C12orf42: variants seen among roughly 807,000 people sequenced by gnomAD.
The protein encoded by C12orf42 is uncharacterized protein C12orf42.
A neutral mutation model predicts 21.6 loss-of-function variants in C12orf42; 25 were observed. The observed-to-expected ratio is 1.16, with a 90% CI of 0.84 to 1.62. C12orf42 has a LOEUF of 1.62. C12orf42 is among the 40% of genes most tolerant of loss of function. The probability of loss-of-function intolerance (pLI) is 0.00; values close to 1 mark genes in which losing one functional copy is unlikely to be tolerated. For synonymous variants in C12orf42, 174 were observed against 175.0 expected (o/e 0.99, Z 0.05); for missense variants, 483 against 459.3 (o/e 1.05, Z -0.47).
the C12orf42 span, among the ~76,000 whole-genome samples, chr12:103,533,859 T>C: frequency 6.6e-6 from 1 of 152,212 alleles, no homozygotes; most frequent in Non-Finnish European, 1.5e-5. Context: ...ATGCTTTGTG[T>C]GGAGTCACTG....
intron 1 of C12orf42, among the ~76,000 whole-genome samples, chr12:103,491,667 T>C (rs1463328090): frequency 6.6e-6 from 1 of 152,252 alleles, no homozygotes; most frequent in African/African-American, 2.4e-5. Flanking sequence ...GTCACTATTA[T>C]TTCTACCCCC....
chr12:103,471,509 A>T (rs995977398), intron 2 of C12orf42, among the ~76,000 whole-genome samples: 2 of 152,370 alleles, frequency 1.3e-5, no homozygotes, highest in Non-Finnish European at 2.9e-5. Context: ...CAGTTTGCTT[A>T]CATTGATTTA....
the C12orf42 span, among the ~76,000 whole-genome samples, chr12:103,517,534 C>A: frequency 6.6e-6 from 1 of 152,218 alleles, no homozygotes; most frequent in Non-Finnish European, 1.5e-5. Context: ...ATGGATTACA[C>A]AAATTACATT....
the C12orf42 span, among the ~76,000 whole-genome samples, chr12:103,517,679 A>T: frequency 6.7e-6 from 1 of 149,900 alleles, no homozygotes; most frequent in Admixed American, 6.6e-5. Flanking sequence ...CTATGCTTTG[A>T]ATTATTTTTT....
chr12:103,220,694 C>T, the C12orf42 span, among the ~76,000 whole-genome samples: 4 of 116,578 alleles, frequency 3.4e-5, no homozygotes, highest in Non-Finnish European at 7.7e-5. Context: ...GACGAGTCGG[C>T]CTCCCCCGCT....
At chr12:103,188,826 C>T in the C12orf42 span, among the ~76,000 whole-genome samples, 1 of 152,180 alleles carries the variant, frequency 6.6e-6, no homozygotes, top group African/African-American at 2.4e-5. Flanking sequence ...ATCTTTATGC[C>T]TACAAAACTG....
the C12orf42 span, among the ~76,000 whole-genome samples, chr12:103,073,818 A>G: frequency 8.7e-4 from 132 of 152,352 alleles, no homozygotes; most frequent in Non-Finnish European, 1.6e-3. Context: ...AATGTGGGAT[A>G]AGGACATCAG....
the C12orf42 span, among the ~76,000 whole-genome samples, chr12:103,047,826 G>C: frequency 1.3e-5 from 2 of 152,152 alleles, no homozygotes; most frequent in Non-Finnish European, 2.9e-5. Flanking sequence ...TAATCCAGAA[G>C]ACCAGCCCAG....
At chr12:103,082,826 T>G in the C12orf42 span, among the ~76,000 whole-genome samples, 1 of 152,236 alleles carries the variant, frequency 6.6e-6, no homozygotes, top group East Asian at 1.9e-4. Flanking sequence ...GTAGGTGAAT[T>G]TTGGCAGTAT....
At chr12:103,164,414 C>G in the C12orf42 span, 1 of 455,994 alleles carries the variant, frequency 2.2e-6, no homozygotes, top group Non-Finnish European at 4.4e-6. Flanking sequence ...TCCTTGAATG[C>G]AAATATTGCC....
intron 3 of C12orf42, among the ~76,000 whole-genome samples, chr12:103,372,754 C>T (rs1342793637): frequency 1.3e-5 from 2 of 152,126 alleles, no homozygotes; most frequent in Non-Finnish European, 2.9e-5. Flanking sequence ...AACTGAGGCA[C>T]CAAAAAGCTA....
At chr12:103,462,154 C>A (rs1284027984) in intron 2 of C12orf42, among the ~76,000 whole-genome samples, 7 of 91,476 alleles carry the variant, frequency 7.7e-5, no homozygotes, top group South Asian at 7.4e-4. Flanking sequence ...GTTGCCCAGG[C>A]TGGAGTGCAA....
chr12:103,266,141 T>C (rs2035159022), downstream of C12orf42, among the ~76,000 whole-genome samples: 1 of 152,180 alleles, frequency 6.6e-6, no homozygotes, highest in African/African-American at 2.4e-5. Flanking sequence ...AAAAGCATTT[T>C]CTTAAAGTGT....
intron 4 of C12orf42, among the ~76,000 whole-genome samples, chr12:103,327,574 G>T (rs1219055660): frequency 6.6e-6 from 1 of 152,184 alleles, no homozygotes; most frequent in African/African-American, 2.4e-5. Context: ...GAAAGAAAAA[G>T]AACCTCTAGT....
At chr12:103,226,597 C>G in the C12orf42 span, among the ~76,000 whole-genome samples, 4 of 152,190 alleles carry the variant, frequency 2.6e-5, no homozygotes, top group South Asian at 8.3e-4. Flanking sequence ...AATTGCTGGG[C>G]AGGTTGGGGA....
At chr12:103,503,985 G>T in the C12orf42 span, 1 of 154,302 alleles carries the variant, frequency 6.5e-6, no homozygotes, top group South Asian at 1.8e-4. Context: ...CATCAGTGAG[G>T]AGCAGTGGCA....
At chr12:103,116,514 G>T in the C12orf42 span, among the ~76,000 whole-genome samples, 2 of 151,788 alleles carry the variant, frequency 1.3e-5, no homozygotes, top group Non-Finnish European at 2.9e-5. Flanking sequence ...ACTGCAATAT[G>T]CCTCTCCCTG....
the C12orf42 span, among the ~76,000 whole-genome samples, chr12:103,060,357 T>C: frequency 1.3e-5 from 2 of 152,204 alleles, no homozygotes; most frequent in African/African-American, 4.8e-5. Flanking sequence ...CATTCCATGC[T>C]CATGGATAGG....
At chr12:103,147,899 C>G in the C12orf42 span, among the ~76,000 whole-genome samples, 1 of 152,090 alleles carries the variant, frequency 6.6e-6, no homozygotes, top group Non-Finnish European at 1.5e-5. Context: ...GATAGCCTAA[C>G]CAACTTTGTG....
Sources: allele counts gnomAD v4.1 joint callset (sites outside exome capture counted in the v4.1 genomes callset), GRCh38; gene constraint gnomAD v4.1.1; transcripts MANE v1.5; gene names NCBI Gene and HGNC (gene_info 2026-07-23, HGNC 2026-07-21).